LDB2: variants seen among roughly 807,000 people sequenced by gnomAD.
LDB2 encodes LIM domain binding 2, also known as LIM domain-binding protein 2.
A neutral mutation model predicts 44.3 loss-of-function variants in LDB2; 12 were observed. That is an observed-to-expected ratio of 0.27 (90% CI 0.17 to 0.44). The LOEUF (loss-of-function observed/expected upper bound fraction) is 0.44, where lower values mean the gene tolerates loss of function less well. LDB2 is among the 20% of genes least tolerant of loss of function. The pLI is 1.00. For synonymous variants in LDB2, 164 were observed against 174.8 expected (o/e 0.94, Z 0.49); for missense variants, 344 against 473.5 (o/e 0.73, Z 2.54).
At position 16,618,405 on chromosome 4, in the gene LDB2, C is replaced by A. The variant is rs548560805; in HGVS notation, c.236-22530G>T. Among the ~76,000 whole-genome samples the A allele has an allele frequency of 1.5e-4, 23 of 152,258 alleles. 2 individuals are homozygous for A. In the South Asian group the frequency reaches 4.6e-3, roughly 30 times the overall value. On this transcript the variant is annotated intron_variant, in intron 2 of 7. Transcript: ENST00000304523. ...CCTATCTGCCTTGTTCGCATTCATG[C>A]TCATAGGACTTGTCAGGGCACCCAG...
intron 1 of LDB2, among the ~76,000 whole-genome samples, chr4:16,815,884 T>C (rs1780793061): frequency 3.3e-5 from 5 of 152,188 alleles, no homozygotes; most frequent in Admixed American, 3.3e-4. Context: ...AATAAACAAA[T>C]GAAGAGTTCT....
chr4:16,810,529 G>C (rs550495815), intron 1 of LDB2, among the ~76,000 whole-genome samples: 4 of 152,018 alleles, frequency 2.6e-5, no homozygotes, highest in Non-Finnish European at 1.5e-5. Flanking sequence ...TATTAATACT[G>C]TCCTTAGAAA....
rs369103575 is a variant in LDB2 at position 16,609,799 on chromosome 4, T to C, written c.236-13924A>G. Among the ~76,000 whole-genome samples, 25 of 152,212 alleles carry C rather than the reference T, an allele frequency of 1.6e-4. No homozygotes were observed. The South Asian group carries it at 1.7e-3, about 10-fold the overall frequency. On this transcript the variant is annotated intron_variant, in intron 2 of 7. Transcript: ENST00000304523. Reference sequence around the variant, plus strand: ...TCCTAGTAGTTCTGAGGAATCTGGATAGCACAGATGAGAGGGTTTCCCCTC... The same window carrying C: ...TCCTAGTAGTTCTGAGGAATCTGGACAGCACAGATGAGAGGGTTTCCCCTC...
chr4:16,649,909 A>G (rs897498332), intron 2 of LDB2, among the ~76,000 whole-genome samples: 1 of 152,184 alleles, frequency 6.6e-6, no homozygotes, highest in African/African-American at 2.4e-5. Flanking sequence ...ACTGGCTGAG[A>G]AAATATCCGC....
At chr4:16,637,299 A>ATTTTTTTTTTTTTTTT (rs34484721) in intron 2 of LDB2, among the ~76,000 whole-genome samples, 1 of 85,482 alleles carries the variant, frequency 1.2e-5, no homozygotes. Context: ...GCCTAGGCTG[A>ATTTTTTTTTTTTTTTT]TTTTTTTTTT....
At chr4:16,706,741 C>G (rs1754699166) in intron 2 of LDB2, among the ~76,000 whole-genome samples, 1 of 152,142 alleles carries the variant, frequency 6.6e-6, no homozygotes, top group African/African-American at 2.4e-5. Flanking sequence ...AGACTTTGAG[C>G]AGGTGATAGC....
chr4:16,606,734 T>C (rs1024993749), intron 2 of LDB2, among the ~76,000 whole-genome samples: 1 of 152,226 alleles, frequency 6.6e-6, no homozygotes, highest in African/African-American at 2.4e-5. Context: ...ACTAGAGAAG[T>C]AGAAAAGAAA....
intron 1 of LDB2, among the ~76,000 whole-genome samples, chr4:16,887,153 T>G (rs10014964): frequency 0.08 from 12,071 of 150,728 alleles, 1,573 homozygotes; most frequent in African/African-American, 0.28. Flanking sequence ...AGATTAATGC[T>G]TGGTAAGTGT....
At chr4:16,724,790 A>G (rs1352804341) in intron 2 of LDB2, among the ~76,000 whole-genome samples, 2 of 152,202 alleles carry the variant, frequency 1.3e-5, no homozygotes, top group African/African-American at 2.4e-5. Context: ...AATGTTAAAT[A>G]AATGAGTAAT....
intron 1 of LDB2, among the ~76,000 whole-genome samples, chr4:16,843,048 G>T (rs1478010353): frequency 1.3e-5 from 2 of 151,936 alleles, no homozygotes; most frequent in Non-Finnish European, 2.9e-5. Flanking sequence ...CATTTTTTTT[G>T]TACTTTTTCC....
intron 2 of LDB2, among the ~76,000 whole-genome samples, chr4:16,691,320 G>T (rs933866137): frequency 6.6e-6 from 1 of 152,102 alleles, no homozygotes; most frequent in Non-Finnish European, 1.5e-5. Flanking sequence ...TCATGGAACT[G>T]TACGAGCCAC....
rs565881578 is a variant in LDB2, at chr4:16,586,922, C to A, written c.532-917G>T. ...ATGAGACTAGATTATACTAATGTGACTTATTCTTTTCTGTACATGCCTTTT... is the reference window on the plus strand; with the variant it reads ...ATGAGACTAGATTATACTAATGTGAATTATTCTTTTCTGTACATGCCTTTT... On this transcript the variant is annotated intron_variant, in intron 4 of 7. Coordinates refer to ENST00000304523, the MANE Select transcript of LDB2 (RefSeq NM_001290.5). 5.3e-5 allele frequency among the ~76,000 whole-genome samples: 8 copies of A among 152,304 alleles called. No individual in the cohort carries two copies. The South Asian group carries it at 1.5e-3, about 28-fold the overall frequency.
intron 1 of LDB2, among the ~76,000 whole-genome samples, chr4:16,775,639 C>T (rs932089038): frequency 5.3e-5 from 8 of 152,064 alleles, no homozygotes; most frequent in African/African-American, 1.2e-4. Context: ...TCCAATTAGC[C>T]GGGTCCTGAC....
At chr4:16,688,685 G>T (rs188325216) in intron 2 of LDB2, among the ~76,000 whole-genome samples, 1 of 152,234 alleles carries the variant, frequency 6.6e-6, no homozygotes, top group Non-Finnish European at 1.5e-5. Flanking sequence ...AACAGAGAAT[G>T]GGCTGAATTT....
chr4:16,706,953 AC>A, intron 2 of LDB2, among the ~76,000 whole-genome samples: 1 of 152,276 alleles, frequency 6.6e-6, no homozygotes, highest in East Asian at 1.9e-4. Flanking sequence ...ACAATTCTGT[AC>A]CCTCAACATC....
At chr4:16,583,017 G>A (rs895510989) in intron 5 of LDB2, among the ~76,000 whole-genome samples, 1 of 152,248 alleles carries the variant, frequency 6.6e-6, no homozygotes, top group Non-Finnish European at 1.5e-5. Flanking sequence ...GCCAGCGTCT[G>A]TGTTCAGCCC....
At chr4:16,536,750 C>G (rs1212504510) in intron 5 of LDB2, among the ~76,000 whole-genome samples, 3 of 152,164 alleles carry the variant, frequency 2.0e-5, no homozygotes, top group African/African-American at 7.2e-5. Flanking sequence ...GAACACCTTC[C>G]CAAAGATTGT....
intron 5 of LDB2, among the ~76,000 whole-genome samples, chr4:16,530,709 ATCT>A (rs1729849592): frequency 1.3e-5 from 2 of 152,274 alleles, no homozygotes; most frequent in South Asian, 4.1e-4. Context: ...ACAGTTTCCC[ATCT>A]ATCCTCACAG....
chr4:16,640,383 A>C (rs746560468), intron 2 of LDB2, among the ~76,000 whole-genome samples: 1 of 152,342 alleles, frequency 6.6e-6, no homozygotes, highest in Non-Finnish European at 1.5e-5. Flanking sequence ...GTTAACTGAA[A>C]TATGAAGGAC....
Sources: allele counts gnomAD v4.1 joint callset (sites outside exome capture counted in the v4.1 genomes callset), GRCh38; gene constraint gnomAD v4.1.1; transcripts MANE v1.5; gene names NCBI Gene and HGNC (gene_info 2026-07-23, HGNC 2026-07-21).